Variants in NEBL observed in about 807,000 individuals in gnomAD.
NEBL encodes the protein LIM and SH3 protein 2.
NEBL carries 122 observed loss-of-function variants against 140.2 expected under a neutral mutation model. The observed-to-expected ratio is 0.87, with a 90% CI of 0.75 to 1.01. The LOEUF (loss-of-function observed/expected upper bound fraction) is 1.01. Among genes scored for constraint, NEBL ranks in the 50% least tolerant of loss-of-function variants. The probability of loss-of-function intolerance (pLI) is 0.00; values close to 1 mark genes in which losing one functional copy is unlikely to be tolerated. For missense variants in NEBL, 1,365 were observed against 1,231.3 expected, an observed-to-expected ratio of 1.11 and a Z score of -1.62; for synonymous variants, 436 against 398.9, an observed-to-expected ratio of 1.09 and a Z score of -1.11.
intron 2 of NEBL, among the ~76,000 whole-genome samples, chr10:21,140,396 G>A (rs561375047): frequency 6.6e-6 from 1 of 152,078 alleles, no homozygotes; most frequent in Non-Finnish European, 1.5e-5. Context: ...GTTTGCTAAG[G>A]TCTTCAGGTT....
chr10:21,099,703 T>C (rs1334874913), intron 2 of NEBL, among the ~76,000 whole-genome samples: 1 of 152,140 alleles, frequency 6.6e-6, no homozygotes, highest in Non-Finnish European at 1.5e-5. Context: ...TTTATCTCCA[T>C]GAAAGGATGG....
At chr10:20,918,375 C>T (rs989304088) in intron 4 of NEBL, among the ~76,000 whole-genome samples, 52 of 151,412 alleles carry the variant, frequency 3.4e-4, no homozygotes, top group African/African-American at 1.2e-3. Flanking sequence ...AGAATCCAAG[C>T]TCCACTGTTC....
At chr10:20,856,174 G>A (rs1293238925) in intron 9 of NEBL, among the ~76,000 whole-genome samples, 1 of 152,150 alleles carries the variant, frequency 6.6e-6, no homozygotes, top group African/African-American at 2.4e-5. Context: ...CTAGGCAAAA[G>A]CACCACCTAA....
At chr10:21,163,134 G>A (rs1840622668) in intron 2 of NEBL, among the ~76,000 whole-genome samples, 1 of 152,200 alleles carries the variant, frequency 6.6e-6, no homozygotes, top group Non-Finnish European at 1.5e-5. Context: ...TGGCTGGAGA[G>A]AAGGAGGTTA....
At chr10:20,861,164 T>C (rs1564395075) in intron 7 of NEBL, among the ~76,000 whole-genome samples, 1 of 152,150 alleles carries the variant, frequency 6.6e-6, no homozygotes, top group Non-Finnish European at 1.5e-5. Flanking sequence ...AAAGCAATGA[T>C]TCACTCTGCC....
At chr10:21,023,135 A>G (rs1838867811) in intron 2 of NEBL, among the ~76,000 whole-genome samples, 1 of 152,252 alleles carries the variant, frequency 6.6e-6, no homozygotes, top group South Asian at 2.1e-4. Context: ...TATAGTAACA[A>G]CTGAGCATGT....
intron 3 of NEBL, among the ~76,000 whole-genome samples, chr10:21,198,408 C>A (rs1448289894): frequency 1.3e-5 from 2 of 152,168 alleles, no homozygotes; most frequent in South Asian, 4.1e-4. Flanking sequence ...CCTCTCTGTG[C>A]CTCCTGGTTT....
At chr10:21,027,000 T>A (rs1372687302) in intron 2 of NEBL, among the ~76,000 whole-genome samples, 1 of 152,176 alleles carries the variant, frequency 6.6e-6, no homozygotes, top group Non-Finnish European at 1.5e-5. Context: ...TGACATAGGT[T>A]GTCACAATTC....
chr10:21,053,071 A>G (rs1035077574), intron 2 of NEBL, among the ~76,000 whole-genome samples: 1 of 152,240 alleles, frequency 6.6e-6, no homozygotes, highest in African/African-American at 2.4e-5. Context: ...TGATTTGATC[A>G]CTATACATTG....
Position 20,826,554 on chromosome 10 carries a change from A to G in NEBL, c.1777-15T>C. The stretch of plus-strand genomic sequence containing the variant: ...TTATAAAATACCTTTATTATAAGAA[A>G]AGGAAAAGAATAACTAAGCTTGTCA... On this transcript the variant is annotated splice_polypyrimidine_tract_variant and intron_variant, in intron 17 of 27. Coordinates refer to ENST00000377122, the MANE Select transcript of NEBL (RefSeq NM_006393.3). 6.4e-7 allele frequency: 1 copy of G among 1,569,932 alleles called. No homozygotes were observed. The highest frequency in any genetic ancestry group is 8.8e-7 in the Non-Finnish European group (1 of 1,141,578).
intron 3 of NEBL, among the ~76,000 whole-genome samples, chr10:20,993,142 G>A (rs913870228): frequency 6.6e-5 from 10 of 152,062 alleles, no homozygotes; most frequent in Admixed American, 2.0e-4. Context: ...TCGTGTCTAC[G>A]TGACGTTTTA....
chr10:21,038,933 G>A (rs1392259312), intron 2 of NEBL, among the ~76,000 whole-genome samples: 1 of 152,092 alleles, frequency 6.6e-6, no homozygotes, highest in African/African-American at 2.4e-5. Context: ...ATCTCATTGT[G>A]GTTTTGATTT....
chr10:21,247,880 C>A (rs148261625), intron 3 of NEBL: 2 of 226,172 alleles, frequency 8.8e-6, no homozygotes, highest in Admixed American at 4.2e-5. Flanking sequence ...AAGAGATAAA[C>A]GCTGAAAAAG....
chr10:21,099,263 TC>T (rs1451024371), intron 2 of NEBL, among the ~76,000 whole-genome samples: 1 of 152,154 alleles, frequency 6.6e-6, no homozygotes, highest in East Asian at 1.9e-4. Context: ...ATTCAATGAT[TC>T]CCATTTCTTC....
chr10:21,140,894 C>T (rs953833573), intron 2 of NEBL, among the ~76,000 whole-genome samples: 9 of 151,588 alleles, frequency 5.9e-5, no homozygotes, highest in East Asian at 1.9e-4. Context: ...ACCACCATGG[C>T]GCATGTATAC....
At chr10:21,185,480 T>C (rs934348787) in intron 3 of NEBL, among the ~76,000 whole-genome samples, 1 of 148,818 alleles carries the variant, frequency 6.7e-6, no homozygotes, top group Non-Finnish European at 1.5e-5. Flanking sequence ...CGGTTCCATT[T>C]TCTTTCCTTT....
chr10:21,199,220 G>T (rs1199995172), intron 3 of NEBL, among the ~76,000 whole-genome samples: 2 of 151,754 alleles, frequency 1.3e-5, no homozygotes, highest in African/African-American at 4.8e-5. Context: ...TTAGAGATGG[G>T]GGGGGTCTCA....
At chr10:20,818,406 T>C (rs1334323256) in intron 20 of NEBL, among the ~76,000 whole-genome samples, 1 of 152,186 alleles carries the variant, frequency 6.6e-6, no homozygotes, top group African/African-American at 2.4e-5. Context: ...CTCATGGGTT[T>C]ACATAGAACA....
intron 14 of NEBL, among the ~76,000 whole-genome samples, chr10:20,833,577 G>A (rs1840616125): frequency 6.6e-6 from 1 of 152,012 alleles, no homozygotes; most frequent in Admixed American, 6.6e-5. Flanking sequence ...CACTGGATGT[G>A]ACTGGAAACC....
Sources: gnomAD v4.1 joint callset for allele counts (sites outside exome capture counted in the v4.1 genomes callset) on GRCh38, gnomAD v4.1.1 for gene constraint, MANE v1.5 for transcripts, NCBI Gene and HGNC (gene_info 2026-07-23, HGNC 2026-07-21) for gene names.